HMCN1: variants seen among roughly 807,000 people sequenced by gnomAD.
HMCN1 encodes hemicentin 1.
In HMCN1, 321 loss-of-function variants were observed where a neutral mutation model predicts 625.9. The ratio of observed to expected loss-of-function variants is 0.51; its 90% CI spans 0.47 to 0.56. The LOEUF is 0.56. Ranked by LOEUF, HMCN1 falls within the 20% of genes least tolerant of loss-of-function variation. The pLI, the probability that HMCN1 is intolerant of heterozygous loss-of-function variation, is 0.00. For synonymous variants in HMCN1, 2,425 were observed against 2,417.6 expected (o/e 1.00, Z -0.09); for missense variants, 6,588 against 6,887.3 (o/e 0.96, Z 1.54).
At chr1:185,956,980 A>G (rs147616719) in intron 11 of HMCN1, 58 of 152,398 alleles carry the variant, frequency 3.8e-4, no homozygotes, top group African/African-American at 1.3e-3. Flanking sequence ...AGGGAAAAAC[A>G]TAATTGCACC....
chr1:185,957,846 G>T (rs1022640598), intron 11 of HMCN1, among the ~76,000 whole-genome samples: 1 of 152,096 alleles, frequency 6.6e-6, no homozygotes, highest in Admixed American at 6.6e-5. Flanking sequence ...TTAATGATGA[G>T]AATTACTTCA....
At chr1:185,939,783 A>C (rs979839910) in intron 11 of HMCN1, among the ~76,000 whole-genome samples, 3 of 152,146 alleles carry the variant, frequency 2.0e-5, no homozygotes, top group Non-Finnish European at 2.9e-5. Context: ...GAAAAAATAA[A>C]AGACAGTTTA....
At chr1:185,826,845 C>T (rs1189839861) in intron 1 of HMCN1, among the ~76,000 whole-genome samples, 1 of 152,082 alleles carries the variant, frequency 6.6e-6, no homozygotes, top group East Asian at 1.9e-4. Context: ...GAACTTCCAA[C>T]AAATAGCTGG....
At position 186,007,155 on chromosome 1, in the gene HMCN1, T is replaced by C; in HGVS notation, c.4503T>C (p.Val1501=). 6.2e-7 allele frequency: 1 copy of C among 1,613,226 alleles called. No individual in the cohort carries two copies. Among genetic ancestry groups the C allele is most frequent in the South Asian group, 1.1e-5 (1 of 91,048 alleles). Reference sequence around the variant, plus strand: ...CTTTATTTTTGGGCGATCCTAATGTTGAACTTCTAGACAGAGGACAAGTCT... The same window carrying C: ...CTTTATTTTTGGGCGATCCTAATGTCGAACTTCTAGACAGAGGACAAGTCT... The part of the protein sequence containing the change: ...GKPLFLGDPN[V]ELLDRGQVLH... The change falls in exon 30 of 107, where the codon GTT becomes GTC. Residue 1501 remains valine (V), a synonymous_variant. Coordinates refer to ENST00000271588, the MANE Select transcript of HMCN1 (RefSeq NM_031935.3).
intron 100 of HMCN1, among the ~76,000 whole-genome samples, chr1:186,167,477 T>C (rs1651951496): frequency 1.3e-5 from 2 of 152,184 alleles, no homozygotes; most frequent in Admixed American, 6.5e-5. Context: ...GTCAATAAAC[T>C]TACACTGACA....
chr1:186,023,750 C>T (rs771188213), intron 36 of HMCN1, among the ~76,000 whole-genome samples: 15 of 152,118 alleles, frequency 9.9e-5, no homozygotes, highest in Admixed American at 5.9e-4. Flanking sequence ...GAAAACTGTT[C>T]AAGATTTTCA....
chr1:185,888,997 T>C (rs1664865838), intron 4 of HMCN1, among the ~76,000 whole-genome samples: 1 of 146,542 alleles, frequency 6.8e-6, no homozygotes, highest in African/African-American at 2.8e-5. Flanking sequence ...AGCAGCGGTT[T>C]GTAGTTCTCC....
In HMCN1 at chr1:185,919,762, A is replaced by G. The variant is rs190106918; in HGVS notation, c.901-2617A>G. Among the ~76,000 whole-genome samples the G allele has an allele frequency of 7.0e-4, 107 of 152,352 alleles. No individual in the cohort carries two copies. In the Middle Eastern group the frequency reaches 0.01, roughly 15 times the overall value. On this transcript the variant is annotated intron_variant, in intron 6 of 106. Coordinates refer to ENST00000271588, the MANE Select transcript of HMCN1 (RefSeq NM_031935.3). ...AGACTCCAGCTTTGCCACCTGCTGT[A>G]TCTGTTACTTTGAGCAAGTCACTTA...
rs138507491 is a variant in HMCN1 at position 185,778,375 on chromosome 1, C to T, written c.268+43328C>T. The stretch of plus-strand genomic sequence containing the variant: ...TTTTTTTTTAATTATACTTTAAGTT[C>T]TAGGGTACATGTGCACAACATGCAG... On this transcript the variant is annotated intron_variant, in intron 1 of 106. Coordinates refer to ENST00000271588, the MANE Select transcript of HMCN1 (RefSeq NM_031935.3). 7.4e-3 allele frequency among the ~76,000 whole-genome samples: 1,105 copies of T among 150,056 alleles called. 9 individuals carry two copies. Among genetic ancestry groups the T allele is most frequent in the Middle Eastern group, 0.028 (8 of 288 alleles).
Position 185,987,564 on chromosome 1 carries a change from A to T in HMCN1, c.3048+20A>T. 11 of 1,498,346 alleles carry T rather than the reference A, an allele frequency of 7.3e-6. No individual in the cohort carries two copies. The highest frequency in any genetic ancestry group is 1.0e-5 in the Non-Finnish European group (11 of 1,074,620). 92.8% of individuals were successfully genotyped at this position (1,498,346 alleles called of 1,614,324 possible). ...TCCAAGGTAAATGATACATCTAGTT[A>T]TATTTCCTGAAGAGCAGAGTGTGAA... On this transcript the variant is annotated intron_variant, in intron 20 of 106. Coordinates refer to ENST00000271588, the MANE Select transcript of HMCN1 (RefSeq NM_031935.3).
chr1:185,802,740 T>C (rs1199877406), intron 1 of HMCN1, among the ~76,000 whole-genome samples: 1 of 152,160 alleles, frequency 6.6e-6, no homozygotes, highest in Non-Finnish European at 1.5e-5. Context: ...GTTTTGGTGA[T>C]GTGTCGGGAG....
At chr1:186,042,177 C>A (rs1656254803) in intron 40 of HMCN1, among the ~76,000 whole-genome samples, 1 of 152,146 alleles carries the variant, frequency 6.6e-6, no homozygotes, top group African/African-American at 2.4e-5. Flanking sequence ...CTGCAATTGA[C>A]ACGAGTTCAC....
intron 1 of HMCN1, among the ~76,000 whole-genome samples, chr1:185,745,494 T>C (rs1654326720): frequency 6.6e-6 from 1 of 152,130 alleles, no homozygotes; most frequent in South Asian, 2.1e-4. Context: ...ACTTTCCTTA[T>C]GGGGAGAGAA....
chr1:186,184,917 T>G (rs1473298291), intron 105 of HMCN1, among the ~76,000 whole-genome samples: 1 of 152,148 alleles, frequency 6.6e-6, no homozygotes, highest in Non-Finnish European at 1.5e-5. Flanking sequence ...CAATTTCTAT[T>G]TCTTTTTCTG....
chr1:185,864,662 A>C (rs1359865816), intron 3 of HMCN1, 34 bp downstream of exon 3: 14 of 1,605,408 alleles, frequency 8.7e-6, no homozygotes, highest in Admixed American at 3.3e-5. Flanking sequence ...GTCTCTGTCT[A>C]AATGCAGTAT....
chr1:185,902,379 C>CTCTATCTA (rs557542346), intron 4 of HMCN1, among the ~76,000 whole-genome samples: 44 of 149,264 alleles, frequency 2.9e-4, no homozygotes, highest in African/African-American at 8.2e-4. Context: ...TGTGCTATGT[C>CTCTATCTA]TCTATCTATC....
At chr1:186,084,524 T>C (rs1659356944) in intron 57 of HMCN1, among the ~76,000 whole-genome samples, 2 of 152,244 alleles carry the variant, frequency 1.3e-5, no homozygotes, top group South Asian at 2.1e-4. Context: ...TATTTTCATG[T>C]AAAACAATAC....
rs1666297110 is a variant in HMCN1 at position 185,909,527 on chromosome 1, C to T, written c.793+19C>T. The T allele has an allele frequency of 2.5e-6, 4 of 1,602,590 alleles. No individual in the cohort carries two copies. In the South Asian group the frequency reaches 3.3e-5, roughly 13 times the overall value. On this transcript the variant is annotated intron_variant, in intron 5 of 106. Transcript: ENST00000271588. ...CCTTTAGGTGAGATATATCAAACAT[C>T]ACATAATAAAATACAAAATACATAG...
Position 186,055,529 on chromosome 1 carries a change from G to T in HMCN1, c.6999G>T (p.Leu2333Phe). ...CCTGGATGAAAGATGGCCACCCCTT[G>T]ATCAAGGCAAAGGGAGTAGAAATAC... ...TVTWMKDGHP[L>F]IKAKGVEILD... The change falls in exon 45 of 107, where the codon TTG (leucine) becomes TTT (phenylalanine). Residue 2333 changes from leucine (L) to phenylalanine (F), a missense_variant. Leu to Phe is a conservative substitution (Grantham distance 22, BLOSUM62 0). Transcript: ENST00000271588. 4 of 1,612,898 alleles carry T rather than the reference G, an allele frequency of 2.5e-6. No individual in the cohort carries two copies. Among genetic ancestry groups the T allele is most frequent in the Non-Finnish European group, 2.5e-6 (3 of 1,179,278 alleles).
Sources: allele counts gnomAD v4.1 joint callset (sites outside exome capture counted in the v4.1 genomes callset), GRCh38; gene constraint gnomAD v4.1.1; transcripts MANE v1.5; gene names NCBI Gene and HGNC (gene_info 2026-07-23, HGNC 2026-07-21).